The following MAML2 variants were observed in gnomAD, a reference collection of about 807,000 sequenced individuals.
MAML2 encodes the protein mastermind-like protein 2.
MAML2 carries 22 observed loss-of-function variants against 96.1 expected under a neutral mutation model. That is an observed-to-expected ratio of 0.23 (90% CI 0.16 to 0.33). MAML2 has a LOEUF of 0.33. Among genes scored for constraint, MAML2 ranks in the 10% least tolerant of loss-of-function variants. MAML2 has a pLI of 1.00. For missense variants in MAML2, 1,367 were observed against 1,392.4 expected (o/e 0.98, Z 0.29); for synonymous variants, 561 against 521.3 (o/e 1.08, Z -1.04).
chr11:96,198,671 G>A (rs1861766725), intron 1 of MAML2, among the ~76,000 whole-genome samples: 2 of 152,078 alleles, frequency 1.3e-5, no homozygotes, highest in African/African-American at 4.8e-5. Flanking sequence ...TGCCCACGGA[G>A]AGATGATTAG....
At position 96,341,823 on chromosome 11, in the gene MAML2, C is replaced by G; in HGVS notation, c.73G>C (p.Gly25Arg). ...TGCACTCTCGGGGTGACTGAGCCCC[C>G]TCCAAGGAGCCCCGCCCCAGAGGCC... ...GGASGAGLLG[G>R]GSVTPRVHSA... Residue 25 changes from glycine (G) to arginine (R), a missense_variant, in exon 1 of 5, where the codon GGG (glycine) becomes CGG (arginine). Coordinates refer to ENST00000524717, the MANE Select transcript of MAML2 (RefSeq NM_032427.4). 1 of 1,588,852 alleles carries G rather than the reference C, an allele frequency of 6.3e-7. No individual in the cohort carries two copies. Among genetic ancestry groups the G allele is most frequent in the Non-Finnish European group, 8.5e-7 (1 of 1,170,974 alleles).
At position 95,978,385 on chromosome 11, in the gene MAML2, A is replaced by G. The variant is rs1041192432; in HGVS notation, c.*563T>C. On this transcript the variant is annotated 3_prime_UTR_variant, in exon 5 of 5. Transcript: ENST00000524717. Reference sequence around the variant, plus strand: ...ATATGGGGAAGAAATTCTGTAATCCACTGGATGTTTTCTAGGTTCTCTGGC... The same window carrying G: ...ATATGGGGAAGAAATTCTGTAATCCGCTGGATGTTTTCTAGGTTCTCTGGC... 2 of 196,902 alleles carry G rather than the reference A, an allele frequency of 1.0e-5. No individual in the cohort carries two copies. Among genetic ancestry groups the G allele is most frequent in the African/African-American group, 2.3e-5 (1 of 43,332 alleles). 12.2% of individuals were successfully genotyped at this position (196,902 alleles called of 1,614,324 possible). A position where few individuals can be genotyped will look rare whatever the true frequency, so the allele number is the denominator to read the frequency against.
At position 96,269,561 on chromosome 11, in the gene MAML2, G is replaced by GAGTGC. The variant is rs746980338; in HGVS notation, c.513+71817_513+71821dup. Among the ~76,000 whole-genome samples the GAGTGC allele has an allele frequency of 9.0e-5, 13 of 144,074 alleles. 2 individuals carry two copies. The highest frequency in any genetic ancestry group is 1.9e-4 in the Non-Finnish European group (13 of 66,748). The allele number at this position is 144,074 out of a possible 152,430, so 94.5% of individuals were successfully genotyped here. A position where few individuals can be genotyped will look rare whatever the true frequency, so the allele number is the denominator to read the frequency against. ...ATGTCTTGCTCTGTTGCCCAGCCCAGAGTGCAGTGGCACAATCTCAGCTCA... is the reference window on the plus strand; with the variant it reads ...ATGTCTTGCTCTGTTGCCCAGCCCAGAGTGCAGTGCAGTGGCACAATCTCAGCTCA... On this transcript the variant is annotated intron_variant, in intron 1 of 4. Transcript: ENST00000524717.
chr11:96,174,830 C>T (rs1456474596), intron 1 of MAML2, among the ~76,000 whole-genome samples: 1 of 152,240 alleles, frequency 6.6e-6, no homozygotes, highest in Admixed American at 6.5e-5. Flanking sequence ...TCTTGTGGCA[C>T]CTATGATCAT....
At chr11:96,199,035 A>G (rs1861773635) in intron 1 of MAML2, among the ~76,000 whole-genome samples, 1 of 151,766 alleles carries the variant, frequency 6.6e-6, no homozygotes, top group African/African-American at 2.4e-5. Context: ...ATCTCTAATA[A>G]AAATACAAAA....
intron 2 of MAML2, among the ~76,000 whole-genome samples, chr11:96,022,268 G>A (rs369607748): frequency 1.1e-4 from 17 of 152,268 alleles, no homozygotes; most frequent in South Asian, 6.2e-4. Flanking sequence ...GCTAGCTCCC[G>A]TCCTGAATCT....
chr11:96,333,624 G>C (rs1591137669), intron 1 of MAML2, among the ~76,000 whole-genome samples: 1 of 152,296 alleles, frequency 6.6e-6, no homozygotes. Context: ...CCACATCAAG[G>C]CATGGAAATT....
intron 1 of MAML2, among the ~76,000 whole-genome samples, chr11:96,170,113 C>T (rs1289514379): frequency 1.3e-5 from 2 of 152,182 alleles, no homozygotes; most frequent in Non-Finnish European, 2.9e-5. Context: ...TCACACGGTC[C>T]CTTTCCACTG....
At chr11:96,236,747 T>C (rs1178625350) in intron 1 of MAML2, among the ~76,000 whole-genome samples, 2 of 152,206 alleles carry the variant, frequency 1.3e-5, no homozygotes, top group African/African-American at 4.8e-5. Context: ...GATAATAACA[T>C]TGATATCTGG....
At chr11:96,189,369 T>A (rs1026614723) in intron 1 of MAML2, among the ~76,000 whole-genome samples, 1 of 152,240 alleles carries the variant, frequency 6.6e-6, no homozygotes, top group Non-Finnish European at 1.5e-5. Flanking sequence ...TGTTTTTACA[T>A]ACCAATAGTT....
intron 1 of MAML2, among the ~76,000 whole-genome samples, chr11:96,101,334 T>C (rs1207132711): frequency 1.3e-5 from 2 of 152,248 alleles, no homozygotes; most frequent in African/African-American, 4.8e-5. Context: ...TTTGTCAGCG[T>C]GGACACTTCC....
intron 2 of MAML2, among the ~76,000 whole-genome samples, chr11:96,021,335 C>A (rs540121508): frequency 1.3e-5 from 2 of 152,284 alleles, no homozygotes; most frequent in East Asian, 3.9e-4. Context: ...AATGGAAAAT[C>A]GATATATTTC....
At chr11:96,158,951 G>A (rs947786645) in intron 1 of MAML2, among the ~76,000 whole-genome samples, 2 of 152,142 alleles carry the variant, frequency 1.3e-5, no homozygotes, top group Admixed American at 6.5e-5. Context: ...CTCTAACACC[G>A]GAGTAGAGCC....
At chr11:96,005,540 A>G (rs1858166175) in intron 2 of MAML2, among the ~76,000 whole-genome samples, 1 of 152,238 alleles carries the variant, frequency 6.6e-6, no homozygotes, top group Admixed American at 6.5e-5. Flanking sequence ...TATCAACAAG[A>G]GATGCAAAGA....
rs553015956 is a variant in MAML2, at chr11:96,336,284, G to C, written c.513+5099C>G. On this transcript the variant is annotated intron_variant, in intron 1 of 4. Coordinates refer to ENST00000524717, the MANE Select transcript of MAML2 (RefSeq NM_032427.4). Reference sequence around the variant, plus strand: ...TTTTTGCAGGCCTTACATAAAATATGTAATTAAAAAGCCTTGTACATTCTA... The same window carrying C: ...TTTTTGCAGGCCTTACATAAAATATCTAATTAAAAAGCCTTGTACATTCTA... Among the ~76,000 whole-genome samples, 301 of 152,194 alleles carry C rather than the reference G, an allele frequency of 2.0e-3. 1 individual carries two copies. The highest frequency in any genetic ancestry group is 7.1e-3 in the African/African-American group (293 of 41,518).
intron 1 of MAML2, among the ~76,000 whole-genome samples, chr11:96,330,202 T>C (rs959100936): frequency 6.6e-6 from 1 of 152,208 alleles, no homozygotes; most frequent in Non-Finnish European, 1.5e-5. Context: ...TAGGAGAATG[T>C]TGATGCACAT....
intron 1 of MAML2, among the ~76,000 whole-genome samples, chr11:96,202,177 C>CAAAAAA (rs35124521): frequency 1.3e-5 from 1 of 75,874 alleles, no homozygotes. Context: ...ACTAAAAATA[C>CAAAAAA]AAAAAAAAAA....
At chr11:96,327,772 C>T (rs984340730) in intron 1 of MAML2, among the ~76,000 whole-genome samples, 1 of 152,050 alleles carries the variant, frequency 6.6e-6, no homozygotes, top group Non-Finnish European at 1.5e-5. Context: ...TAACAAGGCA[C>T]TCATGTAACC....
At chr11:96,292,125 T>A (rs943151088) in intron 1 of MAML2, among the ~76,000 whole-genome samples, 6 of 152,242 alleles carry the variant, frequency 3.9e-5, no homozygotes, top group African/African-American at 1.4e-4. Flanking sequence ...ACATAACTAC[T>A]GCTGTCATCC....
Sources: allele counts gnomAD v4.1 joint callset (sites outside exome capture counted in the v4.1 genomes callset), GRCh38; gene constraint gnomAD v4.1.1; transcripts MANE v1.5; gene names NCBI Gene and HGNC (gene_info 2026-07-23, HGNC 2026-07-21).